The following DNAH3 variants were observed in gnomAD, a reference collection of about 807,000 sequenced individuals.
The protein encoded by DNAH3 is dynein axonemal heavy chain 3.
In DNAH3, 332 loss-of-function variants were observed where a neutral mutation model predicts 432.5. That is an observed-to-expected ratio of 0.77 (90% confidence interval 0.70 to 0.84). The LOEUF is 0.84. Ranked by LOEUF, DNAH3 falls within the 40% of genes least tolerant of loss-of-function variation. The pLI, the probability that DNAH3 is intolerant of heterozygous loss-of-function variation, is 0.00. For missense variants in DNAH3, 4,861 were observed against 5,114.0 expected, an observed-to-expected ratio of 0.95 and a Z score of 1.51; for synonymous variants, 1,956 against 1,900.2, an observed-to-expected ratio of 1.03 and a Z score of -0.76.
chr16:21,058,920 G>T (rs981606540), intron 26 of DNAH3, among the ~76,000 whole-genome samples: 1 of 150,022 alleles, frequency 6.7e-6, no homozygotes, highest in African/African-American at 2.5e-5. Flanking sequence ...TGGGTTGATA[G>T]GTGCAGCAAA....
intron 44 of DNAH3, among the ~76,000 whole-genome samples, chr16:20,991,045 C>A (rs2086532935): frequency 6.6e-6 from 1 of 151,806 alleles, no homozygotes; most frequent in African/African-American, 2.4e-5. Flanking sequence ...AAAAACAAAA[C>A]AAAACAAAAA....
rs200651211 is a variant in DNAH3, at chr16:20,979,479, G to C, written c.7927C>G (p.Leu2643Val). ...GGGGTAACATAGTTGTGTCTTCGAAGTTTGTTGTAATAATCGAGTGACAGC... is the reference window on the plus strand; with the variant it reads ...GGGGTAACATAGTTGTGTCTTCGAACTTTGTTGTAATAATCGAGTGACAGC... Residue 2643 changes from leucine to valine, a missense_variant, in exon 50 of 62, where the codon CTT (leucine) becomes GTT (valine). Leu to Val is a conservative substitution (Grantham distance 32). Transcript: ENST00000261383. 1.2e-4 allele frequency: 200 copies of C among 1,614,134 alleles called. No homozygotes were observed. Among genetic ancestry groups the C allele is most frequent in the Non-Finnish European group, 1.6e-4 (187 of 1,180,030 alleles).
intron 7 of DNAH3, chr16:21,130,101 A>AC (rs964234965): frequency 2.7e-5 from 4 of 150,902 alleles, no homozygotes; most frequent in Admixed American, 1.3e-4. Flanking sequence ...GAAAAAAAAA[A>AC]AAAAAAAACA....
At chr16:21,090,392 C>T (rs967270617) in intron 18 of DNAH3, among the ~76,000 whole-genome samples, 3 of 149,198 alleles carry the variant, frequency 2.0e-5, no homozygotes, top group Admixed American at 6.7e-5. Flanking sequence ...AAAAACCCTA[C>T]AGACCAGTAT....
At chr16:21,146,911 C>T (rs2092791770) in intron 1 of DNAH3, among the ~76,000 whole-genome samples, 1 of 151,974 alleles carries the variant, frequency 6.6e-6, no homozygotes, top group Non-Finnish European at 1.5e-5. Flanking sequence ...CAGGTGACTG[C>T]CACCATGCCC....
intron 8 of DNAH3, among the ~76,000 whole-genome samples, chr16:21,126,913 G>A (rs189304985): frequency 2.5e-4 from 38 of 152,146 alleles, no homozygotes; most frequent in African/African-American, 8.4e-4. Flanking sequence ...ACCTTCAGAT[G>A]GGACCATCTA....
chr16:21,062,773 T>A, intron 24 of DNAH3, 90 bp from the exon 25 acceptor site: 1 of 918,072 alleles, frequency 1.1e-6, no homozygotes, highest in Non-Finnish European at 1.6e-6. Context: ...AGTCCGCACC[T>A]ACGTGAATAC....
intron 28 of DNAH3, among the ~76,000 whole-genome samples, 177 bp from the exon 29 acceptor site, chr16:21,052,045 G>A (rs2089976365): frequency 6.6e-6 from 1 of 152,078 alleles, no homozygotes; most frequent in African/African-American, 2.4e-5. Flanking sequence ...ATTCTGGAGT[G>A]CAATGGCGCG....
chr16:20,948,528 G>A (rs536339888), exon 57 of DNAH3: 33 of 1,613,998 alleles, frequency 2.0e-5, no homozygotes, highest in African/African-American at 1.6e-4. Flanking sequence ...CTCCAGGAGC[G>A]AGGGAGTAAT....
At chr16:21,046,008 G>C (rs2152738627) in intron 31 of DNAH3, among the ~76,000 whole-genome samples, 1 of 152,184 alleles carries the variant, frequency 6.6e-6, no homozygotes, top group South Asian at 2.1e-4. Flanking sequence ...TTAATCCTGA[G>C]TTCTAATTTG....
At chr16:21,084,879 C>T (rs945620129) in intron 19 of DNAH3, among the ~76,000 whole-genome samples, 3 of 152,114 alleles carry the variant, frequency 2.0e-5, no homozygotes, top group Non-Finnish European at 4.4e-5. Flanking sequence ...CAAATGCCAT[C>T]GACAAGGACA....
chr16:21,012,047 T>C (rs1444092721), intron 41 of DNAH3, among the ~76,000 whole-genome samples: 1 of 152,164 alleles, frequency 6.6e-6, no homozygotes, highest in Non-Finnish European at 1.5e-5. Flanking sequence ...ACTCTGACAA[T>C]TTCACTCCAT....
Position 21,127,818 on chromosome 16 carries a change from A to C in DNAH3, c.1083-6T>G, listed in dbSNP as rs751914112. 1.8e-5 allele frequency: 29 copies of C among 1,613,742 alleles called. No individual in the cohort carries two copies. In the African/African-American group the frequency reaches 3.3e-4, roughly 19 times the overall value. ...CAAACCTGAGGTCTCTGAATCTGCC[A>C]AAAGAGAGGGAGAAATTTCCTAAGC... On this transcript the variant is annotated splice_polypyrimidine_tract_variant and splice_region_variant and intron_variant, in intron 7 of 61. Transcript: ENST00000261383.
intron 19 of DNAH3, among the ~76,000 whole-genome samples, chr16:21,086,526 G>A (rs1384179379): frequency 6.6e-6 from 1 of 152,150 alleles, no homozygotes; most frequent in Non-Finnish European, 1.5e-5. Context: ...CATCCCTGTT[G>A]CACCTTGGAG....
intron 56 of DNAH3, among the ~76,000 whole-genome samples, chr16:20,950,924 G>A (rs369669483): frequency 1.3e-5 from 2 of 151,818 alleles, no homozygotes; most frequent in Admixed American, 6.6e-5. Flanking sequence ...CTGTGCTCAT[G>A]CGATCCTCCT....
At chr16:21,154,429 C>T (rs779696501) in intron 1 of DNAH3, among the ~76,000 whole-genome samples, 56 of 152,038 alleles carry the variant, frequency 3.7e-4, no homozygotes, top group Non-Finnish European at 6.9e-4. Flanking sequence ...TAGAATGGTC[C>T]TGATGTGGAG....
intron 44 of DNAH3, among the ~76,000 whole-genome samples, chr16:20,995,455 G>C (rs376559914): frequency 6.6e-6 from 1 of 151,966 alleles, no homozygotes; most frequent in African/African-American, 2.4e-5. Context: ...TAGAGATGGG[G>C]TTTCGCCATC....
intron 37 of DNAH3, among the ~76,000 whole-genome samples, 187 bp downstream of exon 37, chr16:21,030,858 A>G (rs537197868): frequency 6.6e-6 from 1 of 152,312 alleles, no homozygotes; most frequent in Admixed American, 6.5e-5. Context: ...CTTACCAACT[A>G]CAAGTACAAA....
intron 1 of DNAH3, among the ~76,000 whole-genome samples, chr16:21,157,679 C>T (rs946840271): frequency 1.4e-4 from 21 of 152,122 alleles, no homozygotes; most frequent in African/African-American, 4.8e-4. Context: ...TGGCCACAGG[C>T]AAAGAGGAGA....
Sources: allele counts gnomAD v4.1 joint callset (sites outside exome capture counted in the v4.1 genomes callset), GRCh38; gene constraint gnomAD v4.1.1; transcripts MANE v1.5; gene names NCBI Gene and HGNC (gene_info 2026-07-23, HGNC 2026-07-21).